The following SLC9C1 variants were observed in gnomAD, a reference collection of about 807,000 sequenced individuals.
SLC9C1 encodes the protein solute carrier family 9 member C1.
Under a neutral mutation model 140.9 loss-of-function variants are expected in SLC9C1, and 97 were observed. The observed-to-expected ratio is 0.69, with a 90% CI of 0.58 to 0.82. The LOEUF (loss-of-function observed/expected upper bound fraction) is 0.82, where lower values mean the gene tolerates loss of function less well. Ranked by LOEUF, SLC9C1 falls within the 40% of genes least tolerant of loss-of-function variation. SLC9C1 has a pLI of 0.00. For synonymous variants in SLC9C1, 440 were observed against 442.6 expected (o/e 0.99, Z 0.07); for missense variants, 1,340 against 1,389.3 (o/e 0.96, Z 0.56).
At chr3:112,220,399 G>C (rs2078507677) in intron 14 of SLC9C1, among the ~76,000 whole-genome samples, 1 of 152,150 alleles carries the variant, frequency 6.6e-6, no homozygotes, top group African/African-American at 2.4e-5. Context: ...CACACCAAAG[G>C]CCGGGTTTGC....
intron 26 of SLC9C1, among the ~76,000 whole-genome samples, chr3:112,166,515 C>T (rs2077139318): frequency 6.6e-6 from 1 of 152,146 alleles, no homozygotes; most frequent in South Asian, 2.1e-4. Context: ...GAGAGAATCC[C>T]ACATTGTGTT....
rs992618607 is a variant in SLC9C1, at chr3:112,217,686, A to G, written c.1671-125T>C. ...CAAAACAGGAAGACTATTTTGTGCCATGATGGTTGGATTAAGACATTTTCA... is the reference window on the plus strand; with the variant it reads ...CAAAACAGGAAGACTATTTTGTGCCGTGATGGTTGGATTAAGACATTTTCA... On this transcript the variant is annotated intron_variant, in intron 14 of 28. Transcript: ENST00000305815. The G allele has an allele frequency of 6.2e-6, 5 of 802,414 alleles. No individual in the cohort carries two copies. In the South Asian group the frequency reaches 1.1e-4, roughly 17 times the overall value. 49.7% of individuals were successfully genotyped at this position (802,414 alleles called of 1,614,324 possible).
chr3:112,180,351 G>A (rs1390455920), intron 22 of SLC9C1, among the ~76,000 whole-genome samples: 4 of 151,938 alleles, frequency 2.6e-5, no homozygotes, highest in African/African-American at 9.7e-5. Context: ...GTGAAACCCC[G>A]TTTCCACTAA....
At chr3:112,219,047 A>C (rs2078468423) in intron 14 of SLC9C1, among the ~76,000 whole-genome samples, 1 of 152,226 alleles carries the variant, frequency 6.6e-6, no homozygotes, top group Non-Finnish European at 1.5e-5. Flanking sequence ...GCATCTAATA[A>C]GATTCTTCTG....
At chr3:112,168,322 T>TACACACAC (rs56965031) in intron 25 of SLC9C1, among the ~76,000 whole-genome samples, 7 of 133,734 alleles carry the variant, frequency 5.2e-5, no homozygotes, top group African/African-American at 1.7e-4. Context: ...CACAAAACAA[T>TACACACAC]ACACACACAC....
chr3:112,190,322 G>T (rs1380095159), intron 20 of SLC9C1, among the ~76,000 whole-genome samples: 2 of 152,132 alleles, frequency 1.3e-5, no homozygotes, highest in African/African-American at 4.8e-5. Flanking sequence ...AGTTTTCAAA[G>T]GGAATGCTTC....
chr3:112,195,712 C>G (rs2077755256), intron 20 of SLC9C1, among the ~76,000 whole-genome samples: 1 of 152,016 alleles, frequency 6.6e-6, no homozygotes, highest in South Asian at 2.1e-4. Context: ...AACTTAACTT[C>G]CATAACATTC....
chr3:112,222,003 T>G (rs982608037), intron 13 of SLC9C1, among the ~76,000 whole-genome samples: 1 of 152,158 alleles, frequency 6.6e-6, no homozygotes, highest in African/African-American at 2.4e-5. Flanking sequence ...ACTGCTTCGT[T>G]TTGGGGAAAT....
At chr3:112,219,574 GTTTTAT>G (rs1197549612) in intron 14 of SLC9C1, among the ~76,000 whole-genome samples, 5 of 151,958 alleles carry the variant, frequency 3.3e-5, no homozygotes, top group African/African-American at 9.7e-5. Context: ...GCTCTATGTT[GTTTTAT>G]TTTTATTTTT....
At chr3:112,291,284 C>T (rs1442486404) in intron 1 of SLC9C1, among the ~76,000 whole-genome samples, 2 of 152,104 alleles carry the variant, frequency 1.3e-5, no homozygotes, top group Non-Finnish European at 2.9e-5. Flanking sequence ...TCTAATTAAA[C>T]TAAAGAGCTA....
chr3:112,270,650 T>C (rs1021358420), intron 6 of SLC9C1, among the ~76,000 whole-genome samples: 1 of 152,212 alleles, frequency 6.6e-6, no homozygotes, highest in African/African-American at 2.4e-5. Context: ...ATCCCATCTC[T>C]ATTAAAAATA....
chr3:112,145,309 A>G (rs2074753797), intron 28 of SLC9C1, among the ~76,000 whole-genome samples: 1 of 151,394 alleles, frequency 6.6e-6, no homozygotes, highest in Admixed American at 6.6e-5. Context: ...AATAAAGCCT[A>G]CTTGATCGTG....
rs148784125 is a variant in SLC9C1, at chr3:112,144,065, G to T, written c.3525-2784C>A. Reference sequence around the variant, plus strand: ...TGAAGATTAGATGGTTGTAAGTGTGGGGCTTTAGTTATAGGTTCTCTATTC... The same window carrying T: ...TGAAGATTAGATGGTTGTAAGTGTGTGGCTTTAGTTATAGGTTCTCTATTC... On this transcript the variant is annotated intron_variant, in intron 28 of 28. Coordinates refer to ENST00000305815, the MANE Select transcript of SLC9C1 (RefSeq NM_183061.3). 1.1e-3 allele frequency among the ~76,000 whole-genome samples: 168 copies of T among 152,054 alleles called. 1 individual carries two copies. Among genetic ancestry groups the T allele is most frequent in the African/African-American group, 3.9e-3 (160 of 41,476 alleles).
Position 112,206,160 on chromosome 3 carries a change from A to AAAC in SLC9C1, c.1987-1758_1987-1757insGTT, listed in dbSNP as rs2078041274. The stretch of plus-strand genomic sequence containing the variant: ...TGAACTCAAACAAATTTACAAGAAA[A>AAAC]AAACAACCCCATCAAAAAGTGGGCA... On this transcript the variant is annotated intron_variant, in intron 16 of 28. Transcript: ENST00000305815. 3.0e-5 allele frequency among the ~76,000 whole-genome samples: 3 copies of AAAC among 101,278 alleles called. 1 individual carries two copies. The highest frequency in any genetic ancestry group is 6.1e-5 in the Non-Finnish European group (3 of 49,150). 66.4% of individuals were successfully genotyped at this position (101,278 alleles called of 152,430 possible).
intron 20 of SLC9C1, among the ~76,000 whole-genome samples, chr3:112,188,205 G>T (rs1406613992): frequency 6.6e-6 from 1 of 151,586 alleles, no homozygotes; most frequent in Non-Finnish European, 1.5e-5. Flanking sequence ...TGTAATTGCT[G>T]GTTTAAAGGT....
intron 15 of SLC9C1, among the ~76,000 whole-genome samples, chr3:112,214,172 C>A (rs1043589258): frequency 6.6e-6 from 1 of 152,160 alleles, no homozygotes; most frequent in Non-Finnish European, 1.5e-5. Context: ...AGAACAAAGA[C>A]ACAGCATACC....
chr3:112,263,782 C>T (rs546992344), intron 9 of SLC9C1, among the ~76,000 whole-genome samples: 1 of 151,606 alleles, frequency 6.6e-6, no homozygotes, highest in Non-Finnish European at 1.5e-5. Flanking sequence ...AAAGAAACTA[C>T]AAAAATGATT....
intron 12 of SLC9C1, among the ~76,000 whole-genome samples, chr3:112,236,902 G>A (rs2079002250): frequency 6.6e-6 from 1 of 152,192 alleles, no homozygotes; most frequent in South Asian, 2.1e-4. Context: ...GTCAGTTTTG[G>A]AATAAGTGCA....
intron 26 of SLC9C1, among the ~76,000 whole-genome samples, chr3:112,165,664 G>T (rs577667684): frequency 6.6e-6 from 1 of 152,186 alleles, no homozygotes; most frequent in Non-Finnish European, 1.5e-5. Flanking sequence ...GCCATTTGAG[G>T]TGTCAGTCTG....
Sources: gnomAD v4.1 joint callset for allele counts (sites outside exome capture counted in the v4.1 genomes callset) on GRCh38, gnomAD v4.1.1 for gene constraint, MANE v1.5 for transcripts, NCBI Gene and HGNC (gene_info 2026-07-23, HGNC 2026-07-21) for gene names.